SOX6: variants seen among roughly 807,000 people sequenced by gnomAD.
The protein encoded by SOX6 is SRY-box transcription factor 6.
In SOX6, 11 loss-of-function variants were observed where a neutral mutation model predicts 97.8. The ratio of observed to expected loss-of-function variants is 0.11; its 90% CI spans 0.07 to 0.19. The LOEUF (loss-of-function observed/expected upper bound fraction) is 0.19. SOX6 is among the 10% of genes least tolerant of loss of function. The pLI is 1.00. For missense variants in SOX6, 810 were observed against 1,039.5 expected, an observed-to-expected ratio of 0.78 and a Z score of 3.04; for synonymous variants, 360 against 371.4, an observed-to-expected ratio of 0.97 and a Z score of 0.35.
At chr11:16,029,320 AGACAGT>A (rs1230739488) in intron 12 of SOX6, among the ~76,000 whole-genome samples, 1 of 152,188 alleles carries the variant, frequency 6.6e-6, no homozygotes, top group Non-Finnish European at 1.5e-5. Flanking sequence ...TGAGACCGAG[AGACAGT>A]TCCTTCAGTC....
At chr11:16,039,313 A>G (rs1480441090) in intron 12 of SOX6, among the ~76,000 whole-genome samples, 1 of 152,132 alleles carries the variant, frequency 6.6e-6, no homozygotes, top group Non-Finnish European at 1.5e-5. Flanking sequence ...TTCAAACAGA[A>G]CAAAGCCATT....
intron 4 of SOX6, among the ~76,000 whole-genome samples, chr11:16,550,304 C>G (rs887092669): frequency 1.9e-4 from 29 of 151,772 alleles, no homozygotes; most frequent in African/African-American, 6.5e-4. Context: ...CATCACACAC[C>G]AGGGCCTGTC....
chr11:16,280,634 A>T (rs1273031272), intron 3 of SOX6, among the ~76,000 whole-genome samples: 2 of 152,070 alleles, frequency 1.3e-5, no homozygotes, highest in Non-Finnish European at 2.9e-5. Flanking sequence ...TGACTTCTTA[A>T]AACCCAATCC....
chr11:16,174,862 T>C (rs1210625844), intron 6 of SOX6, among the ~76,000 whole-genome samples: 1 of 152,042 alleles, frequency 6.6e-6, no homozygotes, highest in Non-Finnish European at 1.5e-5. Flanking sequence ...ACAAGCACTA[T>C]GAATCTAATA....
At chr11:16,178,966 A>G (rs1205949396) in intron 6 of SOX6, among the ~76,000 whole-genome samples, 1 of 151,922 alleles carries the variant, frequency 6.6e-6, no homozygotes, top group African/African-American at 2.4e-5. Context: ...TTAGATACTT[A>G]ATGATGAAAC....
chr11:16,201,210 G>T (rs546519197), intron 4 of SOX6, among the ~76,000 whole-genome samples: 1 of 152,124 alleles, frequency 6.6e-6, no homozygotes, highest in Non-Finnish European at 1.5e-5. Context: ...GAAAGGAGGT[G>T]CTGTTAATTA....
At chr11:16,653,237 T>A (rs901610316) in intron 3 of SOX6, among the ~76,000 whole-genome samples, 1 of 152,166 alleles carries the variant, frequency 6.6e-6, no homozygotes, top group Non-Finnish European at 1.5e-5. Context: ...AAAGTAGATC[T>A]ACTATTTGAT....
At chr11:16,174,952 T>C (rs559572092) in intron 6 of SOX6, among the ~76,000 whole-genome samples, 13 of 151,984 alleles carry the variant, frequency 8.6e-5, no homozygotes, top group African/African-American at 2.9e-4. Context: ...TTTTATACAA[T>C]CTCCAAGCTG....
intron 3 of SOX6, among the ~76,000 whole-genome samples, chr11:16,260,834 C>T (rs1853865454): frequency 6.6e-6 from 1 of 152,166 alleles, no homozygotes; most frequent in Non-Finnish European, 1.5e-5. Context: ...TGTTCTGGAA[C>T]CCACTTACCT....
intron 3 of SOX6, among the ~76,000 whole-genome samples, chr11:16,282,776 C>T (rs369384770): frequency 6.0e-5 from 9 of 150,852 alleles, no homozygotes; most frequent in South Asian, 4.2e-4. Flanking sequence ...AATATGTATA[C>T]GCCAAAAAAC....
intron 1 of SOX6, among the ~76,000 whole-genome samples, chr11:16,416,286 T>G (rs1218930580): frequency 2.6e-5 from 4 of 152,228 alleles, no homozygotes; most frequent in African/African-American, 9.6e-5. Context: ...GTGAGCATCA[T>G]GCTTCCAGCA....
chr11:16,066,194 T>C (rs964034870), intron 9 of SOX6, among the ~76,000 whole-genome samples: 5 of 152,066 alleles, frequency 3.3e-5, no homozygotes, highest in African/African-American at 1.2e-4. Flanking sequence ...GAAATGTAAA[T>C]CAAAACTACA....
chr11:16,398,270 C>T (rs183844594), intron 1 of SOX6, among the ~76,000 whole-genome samples: 3 of 151,598 alleles, frequency 2.0e-5, no homozygotes, highest in South Asian at 2.1e-4. Context: ...TACCTTATTG[C>T]GAGTTTGACC....
At chr11:16,486,499 A>G (rs908496062) in intron 4 of SOX6, among the ~76,000 whole-genome samples, 11 of 152,180 alleles carry the variant, frequency 7.2e-5, no homozygotes, top group Non-Finnish European at 1.6e-4. Context: ...GACTGGAGAA[A>G]AAAAGTCATT....
At chr11:16,015,776 A>C (rs1854865287) in intron 12 of SOX6, among the ~76,000 whole-genome samples, 1 of 151,952 alleles carries the variant, frequency 6.6e-6, no homozygotes, top group Admixed American at 6.6e-5. Context: ...AGAGGGGCTC[A>C]TTGACCATCA....
chr11:16,000,947 C>T (rs1854389490), intron 13 of SOX6, among the ~76,000 whole-genome samples: 1 of 152,096 alleles, frequency 6.6e-6, no homozygotes, highest in African/African-American at 2.4e-5. Flanking sequence ...ACCTCTGCCT[C>T]CTGGATTCAA....
intron 4 of SOX6, among the ~76,000 whole-genome samples, chr11:16,540,398 TGAA>T (rs1437315771): frequency 2.0e-4 from 30 of 152,066 alleles, no homozygotes; most frequent in Admixed American, 2.0e-3. Flanking sequence ...GCATTCCCTT[TGAA>T]AACTGGCACA....
At chr11:16,654,193 G>C (rs6416167) in intron 3 of SOX6, among the ~76,000 whole-genome samples, 152,004 of 152,290 alleles carry the variant, frequency 1, 75,859 homozygotes, top group Middle Eastern at 1. Context: ...CAGGCTCTCA[G>C]TGTATCACCC....
chr11:16,705,889 T>A (rs1197366199), intron 3 of SOX6, among the ~76,000 whole-genome samples: 1 of 150,164 alleles, frequency 6.7e-6, no homozygotes, highest in Non-Finnish European at 1.5e-5. Context: ...ATAGAACATA[T>A]CTAATTAACA....
Sources: gnomAD v4.1 joint callset for allele counts (sites outside exome capture counted in the v4.1 genomes callset) on GRCh38, gnomAD v4.1.1 for gene constraint, MANE v1.5 for transcripts, NCBI Gene and HGNC (gene_info 2026-07-23, HGNC 2026-07-21) for gene names.